Variants in SUGCT observed in about 807,000 individuals in gnomAD.
The protein encoded by SUGCT is succinyl-CoA:glutarate CoA-transferase.
SUGCT carries 41 observed loss-of-function variants against 55.0 expected under a neutral mutation model. The observed-to-expected ratio is 0.74, with a 90% CI of 0.58 to 0.97. The LOEUF (loss-of-function observed/expected upper bound fraction) is 0.97. SUGCT is among the 50% of genes least tolerant of loss of function. SUGCT has a pLI of 0.00. For synonymous variants in SUGCT, 187 were observed against 200.4 expected (o/e 0.93, Z 0.56); for missense variants, 568 against 547.8 (o/e 1.04, Z -0.37).
At chr7:40,859,887 G>A (rs944958720) in intron 13 of SUGCT, among the ~76,000 whole-genome samples, 1 of 152,220 alleles carries the variant, frequency 6.6e-6, no homozygotes, top group Admixed American at 6.5e-5. Context: ...CTACACAGTA[G>A]ACATTGAGTA....
At chr7:40,249,538 A>G (rs1180085633) in intron 7 of SUGCT, among the ~76,000 whole-genome samples, 1 of 150,874 alleles carries the variant, frequency 6.6e-6, no homozygotes, top group Non-Finnish European at 1.5e-5. Context: ...CACATATAAA[A>G]TATATTTCTT....
chr7:40,205,573 G>A (rs1352599578), intron 6 of SUGCT, among the ~76,000 whole-genome samples: 1 of 149,734 alleles, frequency 6.7e-6, no homozygotes, highest in Non-Finnish European at 1.5e-5. Context: ...CCCTGGAGGC[G>A]GAGATTGCAG....
intron 7 of SUGCT, among the ~76,000 whole-genome samples, chr7:40,252,241 C>T (rs1485401428): frequency 6.6e-6 from 1 of 152,134 alleles, no homozygotes; most frequent in East Asian, 1.9e-4. Flanking sequence ...GATCCTCCCA[C>T]CTCAGCCCCC....
At chr7:40,601,545 G>A (rs1477228056) in intron 12 of SUGCT, among the ~76,000 whole-genome samples, 1 of 152,190 alleles carries the variant, frequency 6.6e-6, no homozygotes, top group Admixed American at 6.5e-5. Flanking sequence ...TCATTACCAT[G>A]AAATTCCATG....
chr7:40,933,310 T>A, the SUGCT span, among the ~76,000 whole-genome samples: 4 of 152,236 alleles, frequency 2.6e-5, no homozygotes, highest in African/African-American at 9.6e-5. Context: ...CTGCTGTTAG[T>A]CTGATGGGCT....
At chr7:40,968,321 G>A in the SUGCT span, 6 of 152,188 alleles carry the variant, frequency 3.9e-5, no homozygotes, top group East Asian at 1.9e-4. Flanking sequence ...TGCCCATAAC[G>A]TGAAACCAAA....
intron 9 of SUGCT, among the ~76,000 whole-genome samples, chr7:40,356,950 C>A (rs1465776735): frequency 2.0e-5 from 3 of 152,144 alleles, no homozygotes; most frequent in African/African-American, 7.2e-5. Flanking sequence ...GTCTTCAACT[C>A]TTTGAACAAC....
At chr7:40,465,542 G>A (rs546137213) in intron 11 of SUGCT, among the ~76,000 whole-genome samples, 60 of 152,072 alleles carry the variant, frequency 3.9e-4, no homozygotes, top group Admixed American at 1.1e-3. Context: ...CCCGGGAGGC[G>A]GAGGTTGCAG....
At chr7:40,196,818 T>C (rs1786318220) in intron 6 of SUGCT, among the ~76,000 whole-genome samples, 1 of 152,070 alleles carries the variant, frequency 6.6e-6, no homozygotes, top group African/African-American at 2.4e-5. Context: ...GAGCACATGA[T>C]AGGGGTTCCA....
At chr7:40,424,301 G>A (rs186962601) in intron 9 of SUGCT, among the ~76,000 whole-genome samples, 128 of 152,250 alleles carry the variant, frequency 8.4e-4, no homozygotes, top group African/African-American at 2.9e-3. Context: ...GTATGTCAGC[G>A]CCTGGAAGGC....
chr7:40,647,015 G>A (rs1006194631), intron 12 of SUGCT, among the ~76,000 whole-genome samples: 3 of 152,212 alleles, frequency 2.0e-5, no homozygotes, highest in East Asian at 3.9e-4. Context: ...TGTACACACT[G>A]GCTAGAGTTC....
At chr7:40,892,910 C>G in the SUGCT span, among the ~76,000 whole-genome samples, 1 of 152,114 alleles carries the variant, frequency 6.6e-6, no homozygotes, top group African/African-American at 2.4e-5. Context: ...TAACTATATG[C>G]TGTCTACAAG....
chr7:40,861,239 G>T (rs1794479183), downstream of SUGCT, among the ~76,000 whole-genome samples: 1 of 152,282 alleles, frequency 6.6e-6, no homozygotes, highest in East Asian at 1.9e-4. Context: ...AAATGCAACA[G>T]GGTTTTTAAA....
chr7:40,325,635 T>C (rs923564890), intron 9 of SUGCT, among the ~76,000 whole-genome samples: 3 of 152,092 alleles, frequency 2.0e-5, no homozygotes, highest in Non-Finnish European at 4.4e-5. Context: ...GGAAACCCCG[T>C]CTCTACTAAA....
At chr7:40,232,914 T>G in intron 6 of SUGCT, among the ~76,000 whole-genome samples, 1 of 152,302 alleles carries the variant, frequency 6.6e-6, no homozygotes, top group Non-Finnish European at 1.5e-5. Flanking sequence ...TAGATTTTAA[T>G]CATAGTTGTT....
chr7:40,783,661 T>C (rs1448513148), intron 13 of SUGCT: 1 of 152,142 alleles, frequency 6.6e-6, no homozygotes, highest in Non-Finnish European at 1.5e-5. Context: ...TGCTGTCCAA[T>C]GCTAAATTCT....
chr7:40,494,515 G>T (rs945868862), intron 11 of SUGCT, among the ~76,000 whole-genome samples: 2 of 152,138 alleles, frequency 1.3e-5, no homozygotes, highest in South Asian at 4.1e-4. Flanking sequence ...ATTTAGAAGT[G>T]AAGTATTTTA....
intron 12 of SUGCT, among the ~76,000 whole-genome samples, chr7:40,710,644 A>G (rs374109853): frequency 1.4e-4 from 21 of 152,238 alleles, no homozygotes; most frequent in African/African-American, 5.1e-4. Context: ...AATGAGAAAA[A>G]CTTTATAATC....
At chr7:40,413,457 A>G (rs747082298) in intron 9 of SUGCT, among the ~76,000 whole-genome samples, 2 of 152,190 alleles carry the variant, frequency 1.3e-5, no homozygotes, top group African/African-American at 2.4e-5. Context: ...AAAGATTTAA[A>G]TGTTAAAAAA....
Sources: allele counts gnomAD v4.1 joint callset (sites outside exome capture counted in the v4.1 genomes callset), GRCh38; gene constraint gnomAD v4.1.1; transcripts MANE v1.5; gene names NCBI Gene and HGNC (gene_info 2026-07-23, HGNC 2026-07-21).